PTH1R: variants seen among roughly 807,000 people sequenced by gnomAD.
PTH1R encodes parathyroid hormone/parathyroid hormone-related peptide receptor.
Under a neutral mutation model 70.7 loss-of-function variants are expected in PTH1R, and 32 were observed. The observed-to-expected ratio is 0.45, with a 90% CI of 0.34 to 0.61. PTH1R has a LOEUF of 0.61. Ranked by LOEUF, PTH1R falls within the 20% of genes least tolerant of loss-of-function variation. The pLI is 0.01. For synonymous variants in PTH1R, 329 were observed against 324.8 expected (o/e 1.01, Z -0.14); for missense variants, 626 against 792.5 (o/e 0.79, Z 2.52).
Position 46,884,499 on chromosome 3 carries a change from G to A in PTH1R, c.75+865G>A, listed in dbSNP as rs2030889598. The stretch of plus-strand genomic sequence containing the variant: ...CTCCTCCTCCTGGGCCAGGGTCTGG[G>A]GCCCACTTGCTGGGAAGGGGGCTGT... On this transcript the variant is annotated intron_variant, in intron 3 of 15. Transcript: ENST00000449590. This position sits in a 1 kb window ranked among gnomAD's most constrained non-coding sequence, Gnocchi z 4.8. 6.6e-6 allele frequency among the ~76,000 whole-genome samples: 1 copy of A among 152,114 alleles called. No homozygotes were observed. The highest frequency in any genetic ancestry group is 2.4e-5 in the African/African-American group (1 of 41,418).
At chr3:46,881,385 C>T (rs1575505356) in intron 2 of PTH1R, among the ~76,000 whole-genome samples, 1 of 152,208 alleles carries the variant, frequency 6.6e-6, no homozygotes, top group Non-Finnish European at 1.5e-5. Flanking sequence ...TTGCCTTCCC[C>T]TAAGTCGAGG....
Position 46,893,025 on chromosome 3 carries a change from G to C in PTH1R, c.76-882G>C, listed in dbSNP as rs1002763626. Among the ~76,000 whole-genome samples, 5 of 152,194 alleles carry C rather than the reference G, an allele frequency of 3.3e-5. No individual in the cohort carries two copies. Among genetic ancestry groups the C allele is most frequent in the Non-Finnish European group, 4.4e-5 (3 of 68,036 alleles). ...TCCCAAGTCAGAGGACAGAGGCTGA[G>C]ACCCCTCAGCAGCCACCTGCTCTGG... is the stretch of plus-strand genomic sequence containing the variant. On this transcript the variant is annotated intron_variant, in intron 3 of 15. Transcript: ENST00000449590. The surrounding 1 kb of genome is among the most constrained non-coding windows in gnomAD (Gnocchi z 5.2).
chr3:46,899,204 G>C (rs981377741), intron 9 of PTH1R, 99 bp from the exon 10 acceptor site: 1 of 1,534,506 alleles, frequency 6.5e-7, no homozygotes, highest in Non-Finnish European at 8.9e-7. Flanking sequence ...CTGTTTGGCC[G>C]GCACCACTTG....
At chr3:46,886,592 C>T (rs1161898313) in intron 3 of PTH1R, among the ~76,000 whole-genome samples, 2 of 152,128 alleles carry the variant, frequency 1.3e-5, no homozygotes, top group Admixed American at 6.6e-5. Flanking sequence ...CTCCTGACCT[C>T]GTGATCCGCC....
chr3:46,900,594 G>C (rs767826110), intron 10 of PTH1R, among the ~76,000 whole-genome samples: 1 of 151,998 alleles, frequency 6.6e-6, no homozygotes, highest in Non-Finnish European at 1.5e-5. Flanking sequence ...TCTCATCCAC[G>C]AGGGCTAGGA....
rs1373375797 is a variant in PTH1R, at chr3:46,884,194, G to A, written c.75+560G>A. On this transcript the variant is annotated intron_variant, in intron 3 of 15. Transcript: ENST00000449590. This position sits in a 1 kb window ranked among gnomAD's most constrained non-coding sequence, Gnocchi z 4.8. Reference sequence around the variant, plus strand: ...TGGGTGTGGTGTGGCATGGAGAAGGGATGGAGTTCCCTGAAGGAGACTGAC... The same window carrying A: ...TGGGTGTGGTGTGGCATGGAGAAGGAATGGAGTTCCCTGAAGGAGACTGAC... Among the ~76,000 whole-genome samples the A allele has an allele frequency of 6.6e-6, 1 of 152,158 alleles. No individual in the cohort carries two copies. The highest frequency in any genetic ancestry group is 1.5e-5 in the Non-Finnish European group (1 of 68,024).
In PTH1R at chr3:46,883,763, C is replaced by A; in HGVS notation, c.75+129C>A. 9.3e-7 allele frequency: 1 copy of A among 1,074,356 alleles called. No individual in the cohort carries two copies. The highest frequency in any genetic ancestry group is 1.3e-6 in the Non-Finnish European group (1 of 740,796). 66.6% of individuals were successfully genotyped at this position (1,074,356 alleles called of 1,614,324 possible). On this transcript the variant is annotated intron_variant, in intron 3 of 15. Transcript: ENST00000449590. This position sits in a 1 kb window ranked among gnomAD's most constrained non-coding sequence, Gnocchi z 6.4. ...ACTTTGGGTGAGAGTCCCCTCTGAT[C>A]CAGGATCCTGGGTGCCTGCTGTCTC... is the stretch of plus-strand genomic sequence containing the variant.
At chr3:46,878,735 T>C (rs965973383) in intron 1 of PTH1R, among the ~76,000 whole-genome samples, 4 of 152,058 alleles carry the variant, frequency 2.6e-5, no homozygotes, top group Non-Finnish European at 4.4e-5. Context: ...GCCAGAGCCC[T>C]ACTCACGGTG....
Position 46,898,941 on chromosome 3 carries a change from G to A in PTH1R, c.834+84G>A, listed in dbSNP as rs1397889498. 8.2e-6 allele frequency: 8 copies of A among 971,424 alleles called. No individual in the cohort carries two copies. The East Asian group carries it at 9.0e-5, about 11-fold the overall frequency. The allele number at this position is 971,424 out of a possible 1,614,324, so 60.2% of individuals were successfully genotyped here. On this transcript the variant is annotated intron_variant, in intron 9 of 15. Coordinates refer to ENST00000449590, the MANE Select transcript of PTH1R (RefSeq NM_000316.3). ...CCCGCCCCGCTCCAGCCCGGCCCTC[G>A]CCCTGCCCGCCTCCTGCCAGCGCCA...
chr3:46,899,003 C>T (rs1271170290), intron 9 of PTH1R, 146 bp downstream of exon 9: 2 of 716,040 alleles, frequency 2.8e-6, no homozygotes, highest in Non-Finnish European at 4.5e-6. Flanking sequence ...TATAGGGTCC[C>T]TCGCAACCCT....
At position 46,898,063 on chromosome 3, in the gene PTH1R, T is replaced by C. The variant is rs2107034247; in HGVS notation, c.425-11T>C. 8 of 1,613,976 alleles carry C rather than the reference T, an allele frequency of 5.0e-6. No individual in the cohort carries two copies. Among genetic ancestry groups the C allele is most frequent in the African/African-American group, 1.3e-5 (1 of 75,048 alleles). ...CCTCCCTGCCGGCCCTGACCTCCCA[T>C]GGACCTGCAGGCCATGCCTACCGAC... On this transcript the variant is annotated splice_polypyrimidine_tract_variant and intron_variant, in intron 6 of 15. Transcript: ENST00000449590.
At chr3:46,899,563 A>C in intron 10 of PTH1R, 107 bp downstream of exon 10, 1 of 1,419,242 alleles carries the variant, frequency 7.0e-7, no homozygotes, top group African/African-American at 1.4e-5. Flanking sequence ...TCCCGCCCCA[A>C]GTGGAACAGC....
chr3:46,898,937 C>A, intron 9 of PTH1R, 80 bp downstream of exon 9: 1 of 1,040,426 alleles, frequency 9.6e-7, no homozygotes, highest in Non-Finnish European at 1.3e-6. Flanking sequence ...CCAGCCCGGC[C>A]CTCGCCCTGC....
chr3:46,884,108 T>TCA lies in PTH1R; in HGVS notation c.75+485_75+486dup, dbSNP rs140341993. Among the ~76,000 whole-genome samples, 1 of 152,038 alleles carries TCA rather than the reference T, an allele frequency of 6.6e-6. No homozygotes were observed. Among genetic ancestry groups the TCA allele is most frequent in the Admixed American group, 6.5e-5 (1 of 15,270 alleles). ...AGGATTTAGGGGCCCCCTCCAGCCCTCACACACACACATGCACACGTCTGG... is the reference window on the plus strand; with the variant it reads ...AGGATTTAGGGGCCCCCTCCAGCCCTCACACACACACACATGCACACGTCTGG... On this transcript the variant is annotated intron_variant, in intron 3 of 15. Coordinates refer to ENST00000449590, the MANE Select transcript of PTH1R (RefSeq NM_000316.3). This position sits in a 1 kb window ranked among gnomAD's most constrained non-coding sequence, Gnocchi z 4.8.
chr3:46,899,632 C>A (rs780724359), intron 10 of PTH1R, among the ~76,000 whole-genome samples, 176 bp downstream of exon 10: 51 of 152,224 alleles, frequency 3.4e-4, no homozygotes, highest in Non-Finnish European at 6.2e-4. Context: ...CAGGAAACAG[C>A]AGGGCTTGGC....
chr3:46,883,932 A>AT lies in PTH1R; in HGVS notation c.75+299dup, dbSNP rs760895410. Among the ~76,000 whole-genome samples, 5 of 152,198 alleles carry AT rather than the reference A, an allele frequency of 3.3e-5. No homozygotes were observed. The highest frequency in any genetic ancestry group is 7.3e-5 in the Non-Finnish European group (5 of 68,034). On this transcript the variant is annotated intron_variant, in intron 3 of 15. Coordinates refer to ENST00000449590, the MANE Select transcript of PTH1R (RefSeq NM_000316.3). The surrounding 1 kb of genome is among the most constrained non-coding windows in gnomAD (Gnocchi z 6.4). ...CACCATGGCTGTTTCTCCCTGGAAG[A>AT]TGACAGTGTGACCCAACAGAAGGCT...
intron 10 of PTH1R, 110 bp from the exon 11 acceptor site, chr3:46,900,915 A>T: frequency 8.3e-7 from 1 of 1,208,990 alleles, no homozygotes; most frequent in Non-Finnish European, 1.2e-6. Flanking sequence ...GCCCAGTGTC[A>T]GGGGTTCAGG....
Position 46,901,046 on chromosome 3 carries a change from C to A in PTH1R, c.1010C>A (p.Ala337Asp). Residue 337 changes from alanine (A) to aspartate (D), a missense_variant, in exon 11 of 16, where the codon GCT becomes GAT. Transcript: ENST00000449590. The surrounding 1 kb of genome is among the most constrained non-coding windows in gnomAD (Gnocchi z 7.3). ...ACAGGTCTGCCCGCTGTCTTCGTGGCTGTGTGGGTCAGTGTCAGAGCTACC... is the reference window on the plus strand; with the variant it reads ...ACAGGTCTGCCCGCTGTCTTCGTGGATGTGTGGGTCAGTGTCAGAGCTACC... ...FGWGLPAVFV[A>D]VWVSVRATLA... 1 of 1,584,834 alleles carries A rather than the reference C, an allele frequency of 6.3e-7. No homozygotes were observed. Among genetic ancestry groups the A allele is most frequent in the Non-Finnish European group, 8.6e-7 (1 of 1,164,320 alleles).
At position 46,903,476 on chromosome 3, in the gene PTH1R, G is replaced by C; in HGVS notation, c.1602G>C (p.Leu534=). Residue 534 remains leucine, a synonymous_variant, in exon 16 of 16, where the codon CTG becomes CTC. Coordinates refer to ENST00000449590, the MANE Select transcript of PTH1R (RefSeq NM_000316.3). The surrounding 1 kb of genome is among the most constrained non-coding windows in gnomAD (Gnocchi z 4.4). ...CCACCACCAACGGCCACCCTCAGCT[G>C]CCTGGCCATGCCAAGCCAGGGACCC... ...PTATTNGHPQ[L]PGHAKPGTPA... 1 of 1,613,678 alleles carries C rather than the reference G, an allele frequency of 6.2e-7. No homozygotes were observed. The highest frequency in any genetic ancestry group is 1.3e-5 in the African/African-American group (1 of 75,066).
Sources: gnomAD v4.1 joint callset for allele counts (sites outside exome capture counted in the v4.1 genomes callset) on GRCh38, gnomAD v4.1.1 for gene constraint, Gnocchi (gnomAD v3.1) non-coding constraint, MANE v1.5 for transcripts, NCBI Gene and HGNC (gene_info 2026-07-23, HGNC 2026-07-21) for gene names.